CELF2: variants seen among roughly 807,000 people sequenced by gnomAD.
CELF2 encodes CUG triplet repeat RNA-binding protein 2.
CELF2 carries 8 observed loss-of-function variants against 62.6 expected under a neutral mutation model. That is an observed-to-expected ratio of 0.13 (90% CI 0.07 to 0.23). The LOEUF (loss-of-function observed/expected upper bound fraction) is 0.23, where lower values mean the gene tolerates loss of function less well. Among genes scored for constraint, CELF2 ranks in the 10% least tolerant of loss-of-function variants. The probability of loss-of-function intolerance (pLI) is 1.00; values close to 1 mark genes in which losing one functional copy is unlikely to be tolerated. For missense variants in CELF2, 333 were observed against 671.0 expected, an observed-to-expected ratio of 0.50 and a Z score of 5.56; for synonymous variants, 258 against 250.0, an observed-to-expected ratio of 1.03 and a Z score of -0.30.
the CELF2 span, among the ~76,000 whole-genome samples, chr10:10,764,525 A>G: frequency 1.1e-4 from 16 of 152,330 alleles, no homozygotes; most frequent in South Asian, 1.7e-3. Flanking sequence ...GAGAAGAGAC[A>G]GAGCCAAGTT....
the CELF2 span, among the ~76,000 whole-genome samples, chr10:10,587,120 A>G: frequency 2.6e-5 from 4 of 152,180 alleles, no homozygotes; most frequent in African/African-American, 4.8e-5. Flanking sequence ...CCACTTTGTC[A>G]TGCTACTATT....
At chr10:10,831,038 G>C (rs756748319) in intron 1 of CELF2, among the ~76,000 whole-genome samples, 1 of 152,184 alleles carries the variant, frequency 6.6e-6, no homozygotes, top group Non-Finnish European at 1.5e-5. Context: ...CTGGAGGAGA[G>C]AGAATTGCCT....
chr10:10,480,670 C>T, the CELF2 span, among the ~76,000 whole-genome samples: 1 of 152,178 alleles, frequency 6.6e-6, no homozygotes, highest in Non-Finnish European at 1.5e-5. Context: ...AGGAAACAAA[C>T]TCACTCTTAA....
chr10:11,120,736 G>A (rs2057574424), intron 1 of CELF2, among the ~76,000 whole-genome samples: 1 of 152,138 alleles, frequency 6.6e-6, no homozygotes, highest in African/African-American at 2.4e-5. Flanking sequence ...CCCCTCACCA[G>A]CCCTTGCAAC....
intron 2 of CELF2, among the ~76,000 whole-genome samples, chr10:10,940,146 A>C (rs1298418016): frequency 6.6e-6 from 1 of 152,218 alleles, no homozygotes; most frequent in African/African-American, 2.4e-5. Context: ...AAGGGTTGGC[A>C]CGAGAGAGCA....
At chr10:11,301,256 C>CTG (rs1257935948) in intron 9 of CELF2, among the ~76,000 whole-genome samples, 5 of 152,018 alleles carry the variant, frequency 3.3e-5, no homozygotes, top group Non-Finnish European at 7.4e-5. Flanking sequence ...ACCCAAGTTC[C>CTG]TCCGCAGGCA....
intron 8 of CELF2, among the ~76,000 whole-genome samples, chr10:11,287,746 ATAAAAG>A: frequency 1.3e-5 from 2 of 152,380 alleles, no homozygotes; most frequent in Admixed American, 1.3e-4. Flanking sequence ...AATAACAAAA[ATAAAAG>A]GTGACATTCA....
At chr10:10,539,480 A>G in the CELF2 span, among the ~76,000 whole-genome samples, 1 of 104,786 alleles carries the variant, frequency 9.5e-6, no homozygotes, top group African/African-American at 3.7e-5. Context: ...CTACTTTAGG[A>G]GTTTATTTGC....
At chr10:10,725,648 G>A in the CELF2 span, among the ~76,000 whole-genome samples, 3 of 152,118 alleles carry the variant, frequency 2.0e-5, no homozygotes, top group African/African-American at 7.2e-5. Context: ...TTCCTCATGG[G>A]AGCTTGTCAA....
At chr10:10,912,087 C>T (rs571922002) in intron 1 of CELF2, among the ~76,000 whole-genome samples, 1 of 152,224 alleles carries the variant, frequency 6.6e-6, no homozygotes, top group East Asian at 1.9e-4. Flanking sequence ...CCCCGTAAAT[C>T]TTGAGGAGAA....
At chr10:10,926,084 C>T (rs1312767057) in intron 2 of CELF2, among the ~76,000 whole-genome samples, 3 of 152,126 alleles carry the variant, frequency 2.0e-5, no homozygotes, top group African/African-American at 7.2e-5. Flanking sequence ...GTAGTTACAG[C>T]AGGCTAAAAA....
intron 2 of CELF2, among the ~76,000 whole-genome samples, chr10:11,198,830 G>A (rs1012807394): frequency 6.6e-6 from 1 of 152,194 alleles, no homozygotes; most frequent in African/African-American, 2.4e-5. Flanking sequence ...AAAGATGTTC[G>A]TGGCAATCTA....
chr10:10,925,818 A>G (rs1290529709), intron 2 of CELF2, among the ~76,000 whole-genome samples: 1 of 152,050 alleles, frequency 6.6e-6, no homozygotes, highest in Non-Finnish European at 1.5e-5. Context: ...GGCCTAAGTG[A>G]CTGGTTTCCA....
intron 1 of CELF2, among the ~76,000 whole-genome samples, chr10:10,808,667 C>A (rs2055502503): frequency 6.6e-6 from 1 of 152,158 alleles, no homozygotes; most frequent in Non-Finnish European, 1.5e-5. Context: ...GTTTTAAAAA[C>A]CTTAGTTCTT....
chr10:10,566,676 G>C, the CELF2 span, among the ~76,000 whole-genome samples: 6 of 149,936 alleles, frequency 4.0e-5, no homozygotes, highest in East Asian at 1.2e-3. Flanking sequence ...TTGAGAAAAA[G>C]AAGATGAAAC....
At chr10:10,532,991 C>A in the CELF2 span, among the ~76,000 whole-genome samples, 1 of 151,918 alleles carries the variant, frequency 6.6e-6, no homozygotes, top group Admixed American at 6.6e-5. Context: ...GCATTTCTGG[C>A]TTCGTGCTTT....
chr10:10,969,188 C>T (rs578235950), intron 2 of CELF2, among the ~76,000 whole-genome samples: 25 of 152,182 alleles, frequency 1.6e-4, no homozygotes, highest in Non-Finnish European at 2.5e-4. Flanking sequence ...ACCTGGGAGG[C>T]GGCGGTTGCA....
the CELF2 span, among the ~76,000 whole-genome samples, chr10:10,734,200 A>G: frequency 1.5e-3 from 224 of 152,314 alleles, 1 homozygote; most frequent in Non-Finnish European, 2.4e-3. Context: ...ATGGTTGACC[A>G]GAAACTGACA....
At chr10:10,656,051 G>A in the CELF2 span, among the ~76,000 whole-genome samples, 5 of 150,296 alleles carry the variant, frequency 3.3e-5, no homozygotes, top group Non-Finnish European at 7.4e-5. Flanking sequence ...CCATCAAAAA[G>A]TGGGCGAAGG....
Sources: allele counts gnomAD v4.1 joint callset (sites outside exome capture counted in the v4.1 genomes callset), GRCh38; gene constraint gnomAD v4.1.1; transcripts MANE v1.5; gene names NCBI Gene and HGNC (gene_info 2026-07-23, HGNC 2026-07-21).